The following RFTN2 variants were observed in gnomAD, a reference collection of about 807,000 sequenced individuals.
RFTN2 encodes the protein raftlin-2.
RFTN2 carries 34 observed loss-of-function variants against 52.7 expected under a neutral mutation model. The ratio of observed to expected loss-of-function variants is 0.64; its 90% CI spans 0.49 to 0.86. The LOEUF (loss-of-function observed/expected upper bound fraction) is 0.86, where lower values mean the gene tolerates loss of function less well. Ranked by LOEUF, RFTN2 falls within the 40% of genes least tolerant of loss-of-function variation. The pLI, the probability that RFTN2 is intolerant of heterozygous loss-of-function variation, is 0.00. For missense variants in RFTN2, 536 were observed against 600.1 expected (o/e 0.89, Z 1.12); for synonymous variants, 203 against 217.7 (o/e 0.93, Z 0.59).
chr2:197,657,398 A>G (rs1234928309), intron 1 of RFTN2, among the ~76,000 whole-genome samples: 1 of 152,170 alleles, frequency 6.6e-6, no homozygotes, highest in East Asian at 1.9e-4. Flanking sequence ...TCAGCCTTCT[A>G]GGATACAGAA....
chr2:197,630,963 A>G (rs757511476), intron 5 of RFTN2, 48 bp downstream of exon 5: 1 of 1,258,156 alleles, frequency 7.9e-7, no homozygotes, highest in South Asian at 1.2e-5. Flanking sequence ...TGATTTTGAT[A>G]CAAGTTCAAA....
chr2:197,638,989 T>C (rs1487573840), intron 3 of RFTN2, among the ~76,000 whole-genome samples: 4 of 147,790 alleles, frequency 2.7e-5, no homozygotes, highest in African/African-American at 5.0e-5. Context: ...TATTTCTCCT[T>C]CACTTATGAA....
At chr2:197,659,418 A>C (rs1464168391) in intron 1 of RFTN2, among the ~76,000 whole-genome samples, 1 of 149,844 alleles carries the variant, frequency 6.7e-6, no homozygotes, top group Non-Finnish European at 1.5e-5. Flanking sequence ...CAAAGGTTGC[A>C]GTGAGCCGAG....
At chr2:197,619,445 C>A (rs564915848) in intron 5 of RFTN2, among the ~76,000 whole-genome samples, 2 of 152,052 alleles carry the variant, frequency 1.3e-5, no homozygotes, top group Admixed American at 6.5e-5. Context: ...GACCTTACCC[C>A]CAACCCTGTG....
In RFTN2 at chr2:197,569,936, A is replaced by AC. The variant is rs1264620521; in HGVS notation, c.*2071_*2072insG. On this transcript the variant is annotated 3_prime_UTR_variant, in exon 9 of 9. Transcript: ENST00000295049. ...CAGAGTGAGGCTCTGTCTCAAAAAAAAAAAAAAAAAAAAAAAGTTATTGCT... is the reference window on the plus strand; with the variant it reads ...CAGAGTGAGGCTCTGTCTCAAAAAAACAAAAAAAAAAAAAAAAGTTATTGCT... The AC allele has an allele frequency of 6.6e-6, 1 of 151,678 alleles. No individual in the cohort carries two copies. Among genetic ancestry groups the AC allele is most frequent in the Non-Finnish European group, 1.5e-5 (1 of 67,894 alleles). 9.4% of individuals were successfully genotyped at this position (151,678 alleles called of 1,614,324 possible).
intron 7 of RFTN2, among the ~76,000 whole-genome samples, chr2:197,598,800 G>A (rs924738477): frequency 2.0e-5 from 3 of 152,062 alleles, no homozygotes; most frequent in African/African-American, 4.8e-5. Context: ...TCAGGCCTTG[G>A]GGATTACTTG....
intron 8 of RFTN2, among the ~76,000 whole-genome samples, chr2:197,578,986 T>C (rs2087462893): frequency 6.6e-6 from 1 of 152,216 alleles, no homozygotes; most frequent in South Asian, 2.1e-4. Context: ...CTTTCTCCTT[T>C]CAATCTTGGT....
intron 7 of RFTN2, among the ~76,000 whole-genome samples, chr2:197,605,316 C>T (rs1330883682): frequency 1.3e-5 from 2 of 151,342 alleles, no homozygotes; most frequent in African/African-American, 2.4e-5. Flanking sequence ...CCCGGGTTCA[C>T]GCCATTCTCT....
chr2:197,671,441 G>T (rs2089145894), intron 1 of RFTN2, among the ~76,000 whole-genome samples: 1 of 152,012 alleles, frequency 6.6e-6, no homozygotes. Context: ...GTAATTTTTT[G>T]TTCATTCACT....
Position 197,646,491 on chromosome 2 carries a change from C to T in RFTN2, c.315G>A (p.Leu105=), listed in dbSNP as rs1044778593. Residue 105 remains leucine, a synonymous_variant, in exon 2 of 9, where the codon TTG becomes TTA. Transcript: ENST00000295049. ...SYLYRVVLLR[L]KLSPKNSAAP... ...TTGAATAGTGTGCTTACCTTAATTT[C>T]AAGCGCAATAGCACCACTCTGTATA... is the stretch of plus-strand genomic sequence containing the variant. The T allele has an allele frequency of 1.9e-6, 3 of 1,612,830 alleles. No individual in the cohort carries two copies. In the African/African-American group the frequency reaches 4.0e-5, roughly 22 times the overall value.
intron 6 of RFTN2, among the ~76,000 whole-genome samples, 170 bp downstream of exon 6, chr2:197,617,630 G>A (rs1165407809): frequency 6.6e-6 from 1 of 151,918 alleles, no homozygotes; most frequent in Non-Finnish European, 1.5e-5. Context: ...GCAGTGAGCT[G>A]TGATGGTGCC....
At chr2:197,626,617 CTTTTTTTTT>C (rs71012985) in intron 5 of RFTN2, among the ~76,000 whole-genome samples, 1 of 90,962 alleles carries the variant, frequency 1.1e-5, no homozygotes, top group South Asian at 3.5e-4. Context: ...GAATAATCTT[CTTTTTTTTT>C]TTTTTTTTTT....
At chr2:197,652,871 G>C (rs930155580) in intron 1 of RFTN2, among the ~76,000 whole-genome samples, 10 of 152,128 alleles carry the variant, frequency 6.6e-5, no homozygotes, top group Admixed American at 6.6e-5. Flanking sequence ...TTCACTGAAG[G>C]GGGCAGGGGA....
intron 7 of RFTN2, among the ~76,000 whole-genome samples, chr2:197,597,858 G>A (rs1377688626): frequency 1.3e-5 from 2 of 152,160 alleles, no homozygotes; most frequent in African/African-American, 4.8e-5. Flanking sequence ...TAAGTGATAA[G>A]TGAAGAATAA....
At chr2:197,669,923 C>CT (rs913543682) in intron 1 of RFTN2, among the ~76,000 whole-genome samples, 20 of 152,136 alleles carry the variant, frequency 1.3e-4, no homozygotes, top group Admixed American at 9.8e-4. Flanking sequence ...ATGATAATGA[C>CT]TTTTTTTTGC....
At chr2:197,612,340 C>T (rs1220506454) in intron 7 of RFTN2, among the ~76,000 whole-genome samples, 4 of 152,112 alleles carry the variant, frequency 2.6e-5, no homozygotes, top group Non-Finnish European at 5.9e-5. Flanking sequence ...TCTGAAAGTG[C>T]ATAAAAATTG....
At chr2:197,636,913 C>T (rs1207356365) in intron 3 of RFTN2, among the ~76,000 whole-genome samples, 1 of 151,876 alleles carries the variant, frequency 6.6e-6, no homozygotes, top group African/African-American at 2.4e-5. Flanking sequence ...AAATACGTCC[C>T]ATCAATACCT....
intron 3 of RFTN2, among the ~76,000 whole-genome samples, chr2:197,641,836 T>C (rs2088679452): frequency 6.6e-6 from 1 of 152,222 alleles, no homozygotes; most frequent in Admixed American, 6.5e-5. Flanking sequence ...TCATGTGCTA[T>C]GTTTCCTGAA....
intron 6 of RFTN2, among the ~76,000 whole-genome samples, chr2:197,616,207 G>A (rs531478007): frequency 2.6e-5 from 4 of 151,456 alleles, no homozygotes; most frequent in East Asian, 3.9e-4. Flanking sequence ...GCCTTCCTTT[G>A]GTCTTGTTAG....
Sources: allele counts gnomAD v4.1 joint callset (sites outside exome capture counted in the v4.1 genomes callset), GRCh38; gene constraint gnomAD v4.1.1; transcripts MANE v1.5; gene names NCBI Gene and HGNC (gene_info 2026-07-23, HGNC 2026-07-21).